Variants in OCIAD2 observed in about 807,000 individuals in gnomAD.
OCIAD2 encodes OCIA domain containing 2, also known as OCIA domain-containing protein 2.
OCIAD2 carries 29 observed loss-of-function variants against 22.9 expected under a neutral mutation model. The ratio of observed to expected loss-of-function variants is 1.27; its 90% confidence interval spans 0.94 to 1.73. OCIAD2 has a LOEUF of 1.73. Ranked by LOEUF, OCIAD2 falls within the 40% of genes most tolerant of loss-of-function variation. The pLI, the probability that OCIAD2 is intolerant of heterozygous loss-of-function variation, is 0.00. For synonymous variants in OCIAD2, 67 were observed against 60.2 expected (o/e 1.11, Z -0.52); for missense variants, 189 against 180.3 (o/e 1.05, Z -0.28).
intron 4 of OCIAD2, chr4:48,897,060 A>AAATGG (rs1560459824): frequency 6.6e-6 from 1 of 152,526 alleles, no homozygotes; most frequent in Non-Finnish European, 1.5e-5. Flanking sequence ...TTGCCAAAAG[A>AAATGG]AATGGTGTGG....
At position 48,892,773 on chromosome 4, in the gene OCIAD2, TG is replaced by T. The variant is rs1455554344; in HGVS notation, c.381del (p.Asn127LysfsTer13). On this transcript the variant is annotated frameshift_variant and splice_region_variant, in exon 6 of 7. Transcript: ENST00000508632. LOFTEE classifies it high-confidence loss of function. The stretch of plus-strand genomic sequence containing the variant: ...CCCTCAACCAAACAGATTACAAACC[TG>T]TTATGCTGTGGACCAAAACCAGCCC... ...LRGAGFGPQHNRHCLLTCEEC... is the reference protein window; with the variant it reads ...LRGAGFGPQHXRHCLLTCEEC... 1 of 1,514,762 alleles carries T rather than the reference TG, an allele frequency of 6.6e-7. No individual in the cohort carries two copies. The highest frequency in any genetic ancestry group is 1.2e-5 in the South Asian group (1 of 85,784). 93.8% of individuals were successfully genotyped at this position (1,514,762 alleles called of 1,614,324 possible).
At chr4:48,906,305 G>A (rs1222558816) in intron 1 of OCIAD2, among the ~76,000 whole-genome samples, 1 of 152,180 alleles carries the variant, frequency 6.6e-6, no homozygotes, top group African/African-American at 2.4e-5. Flanking sequence ...ACCGACGAAT[G>A]TGCGGAGGAG....
At chr4:48,887,217 T>A (rs1324890852) in intron 6 of OCIAD2, among the ~76,000 whole-genome samples, 13 of 152,250 alleles carry the variant, frequency 8.5e-5, no homozygotes, top group Admixed American at 3.3e-4. Context: ...GTTTGAGTTC[T>A]TTGTAGATTC....
chr4:48,886,054 T>C (rs962162373), intron 6 of OCIAD2, among the ~76,000 whole-genome samples: 1 of 152,224 alleles, frequency 6.6e-6, no homozygotes, highest in African/African-American at 2.4e-5. Context: ...TTTTTATGGT[T>C]TTAGGTCTAA....
At position 48,902,845 on chromosome 4, in the gene OCIAD2, C is replaced by T. The variant is rs368133006; in HGVS notation, c.66+1639G>A. 1.6e-4 allele frequency among the ~76,000 whole-genome samples: 24 copies of T among 152,074 alleles called. No individual in the cohort carries two copies. The South Asian group carries it at 3.1e-3, about 20-fold the overall frequency. On this transcript the variant is annotated intron_variant, in intron 2 of 6. Transcript: ENST00000508632. ...GCAGGTGCCTATAATCCCAGCTACT[C>T]GGGAGGCTGAGGTAGGAGAATTGCT...
intron 5 of OCIAD2, chr4:48,893,160 C>G (rs981918793): frequency 4.5e-5 from 10 of 223,368 alleles, no homozygotes; most frequent in Non-Finnish European, 8.7e-5. Flanking sequence ...GCCCACCTGT[C>G]AAGCAAACGG....
intron 5 of OCIAD2, 186 bp downstream of exon 5, chr4:48,893,820 T>C (rs1310848287): frequency 3.0e-6 from 1 of 337,400 alleles, no homozygotes; most frequent in Non-Finnish European, 5.4e-6. Flanking sequence ...GCTAGTAATG[T>C]CTTTTTTTCA....
chr4:48,904,651 T>C (rs1008355391), intron 1 of OCIAD2, 40 bp from the exon 2 acceptor site: 3 of 1,067,934 alleles, frequency 2.8e-6, no homozygotes, highest in African/African-American at 1.6e-5. Flanking sequence ...CATGACTAAA[T>C]GTTTGCATCA....
intron 5 of OCIAD2, 58 bp downstream of exon 5, chr4:48,893,948 C>T (rs1243849756): frequency 1.2e-5 from 13 of 1,129,966 alleles, no homozygotes; most frequent in Admixed American, 2.4e-5. Context: ...TCCCAAAGTG[C>T]TGGGATTACA....
At chr4:48,890,910 T>C (rs1260953585) in intron 6 of OCIAD2, among the ~76,000 whole-genome samples, 1 of 152,052 alleles carries the variant, frequency 6.6e-6, no homozygotes, top group African/African-American at 2.4e-5. Flanking sequence ...CTCACTTATT[T>C]CCCCCCATTG....
intron 6 of OCIAD2, 142 bp downstream of exon 6, chr4:48,892,630 A>G (rs1781201231): frequency 2.0e-6 from 1 of 493,106 alleles, no homozygotes; most frequent in Non-Finnish European, 3.6e-6. Context: ...GAAGTTGGGT[A>G]ACAACAACGC....
rs1326508628 is a variant in OCIAD2 at position 48,892,839 on chromosome 4, A to C, written c.316T>G (p.Cys106Gly). 2 of 1,613,176 alleles carry C rather than the reference A, an allele frequency of 1.2e-6. No individual in the cohort carries two copies. The highest frequency in any genetic ancestry group is 1.7e-6 in the Non-Finnish European group (2 of 1,179,482). ...GLGKVSYIGV[C>G]QSKFHFFEDQ... Reference sequence around the variant, plus strand: ...TCAAAAAAATGGAATTTACTCTGGCATACTCCTATGTATGATACCTTTCCA... The same window carrying C: ...TCAAAAAAATGGAATTTACTCTGGCCTACTCCTATGTATGATACCTTTCCA... Residue 106 changes from cysteine to glycine, a missense_variant, in exon 6 of 7, where the codon TGC (cysteine) becomes GGC (glycine). Transcript: ENST00000508632.
intron 6 of OCIAD2, among the ~76,000 whole-genome samples, chr4:48,888,558 T>G (rs1250671082): frequency 6.6e-6 from 1 of 152,208 alleles, no homozygotes; most frequent in Non-Finnish European, 1.5e-5. Flanking sequence ...GCTATTGGAT[T>G]TTGTCAAAGG....
intron 6 of OCIAD2, among the ~76,000 whole-genome samples, chr4:48,889,307 T>A (rs1459769504): frequency 6.6e-6 from 1 of 152,190 alleles, no homozygotes; most frequent in Non-Finnish European, 1.5e-5. Context: ...ATTCATTGAT[T>A]TTTTGAAGGG....
chr4:48,887,253 G>T (rs1287987670), intron 6 of OCIAD2, among the ~76,000 whole-genome samples: 1 of 152,150 alleles, frequency 6.6e-6, no homozygotes, highest in Non-Finnish European at 1.5e-5. Context: ...TGTCAGATGA[G>T]TAGGTTGCAA....
rs1780944470 is a variant in OCIAD2, at chr4:48,885,125, A to G, written c.*359T>C. On this transcript the variant is annotated 3_prime_UTR_variant, in exon 7 of 7. Coordinates refer to ENST00000508632, the MANE Select transcript of OCIAD2 (RefSeq NM_001014446.3). ...CTCAGCCTCCCTCTCAGTAGCTGGGATTACAGGCATGTGCCACCACGCCTG... is the reference window on the plus strand; with the variant it reads ...CTCAGCCTCCCTCTCAGTAGCTGGGGTTACAGGCATGTGCCACCACGCCTG... 5.5e-6 allele frequency: 1 copy of G among 182,372 alleles called. No individual in the cohort carries two copies. The highest frequency in any genetic ancestry group is 1.1e-5 in the Non-Finnish European group (1 of 87,218). 11.3% of individuals were successfully genotyped at this position (182,372 alleles called of 1,614,324 possible). A position where few individuals can be genotyped will look rare whatever the true frequency, so the allele number is the denominator to read the frequency against.
chr4:48,890,729 T>C (rs568022541), intron 6 of OCIAD2, among the ~76,000 whole-genome samples: 22 of 152,312 alleles, frequency 1.4e-4, no homozygotes, highest in Admixed American at 3.9e-4. Flanking sequence ...TTTACTGCTA[T>C]GAGGAGTTGG....
intron 2 of OCIAD2, among the ~76,000 whole-genome samples, chr4:48,902,180 A>G (rs1273245138): frequency 6.6e-6 from 1 of 152,036 alleles, no homozygotes; most frequent in Non-Finnish European, 1.5e-5. Context: ...CCAAGGTTTT[A>G]GTGTTTTTCT....
At chr4:48,904,217 C>A (rs902690917) in intron 2 of OCIAD2, among the ~76,000 whole-genome samples, 1 of 152,032 alleles carries the variant, frequency 6.6e-6, no homozygotes, top group Non-Finnish European at 1.5e-5. Context: ...TTTGGCAGGC[C>A]TAGATAGGAG....
Sources: allele counts gnomAD v4.1 joint callset (sites outside exome capture counted in the v4.1 genomes callset), GRCh38; gene constraint gnomAD v4.1.1; transcripts MANE v1.5; gene names NCBI Gene and HGNC (gene_info 2026-07-23, HGNC 2026-07-21).